Variants in NAALADL2 observed in about 807,000 individuals in gnomAD.
NAALADL2 encodes the protein N-acetylated alpha-linked acidic dipeptidase like 2, also known as inactive N-acetylated-alpha-linked acidic dipeptidase-like protein 2.
In NAALADL2, 76 loss-of-function variants were observed where a neutral mutation model predicts 87.2. That is an observed-to-expected ratio of 0.87 (90% CI 0.72 to 1.05). The LOEUF (loss-of-function observed/expected upper bound fraction) is 1.05, where lower values mean the gene tolerates loss of function less well. Among genes scored for constraint, NAALADL2 ranks in the 50% least tolerant of loss-of-function variants. The probability of loss-of-function intolerance (pLI) is 0.00; values close to 1 mark genes in which losing one functional copy is unlikely to be tolerated. For missense variants in NAALADL2, 1,089 were observed against 945.8 expected (o/e 1.15, Z -1.99); for synonymous variants, 354 against 331.0 (o/e 1.07, Z -0.75).
chr3:174,815,830 GTTTTTTTTT>G (rs10589968), intron 3 of NAALADL2, among the ~76,000 whole-genome samples: 1 of 115,196 alleles, frequency 8.7e-6, no homozygotes, highest in Non-Finnish European at 1.8e-5. Context: ...TTTGACTTTA[GTTTTTTTTT>G]TTTTTTTTTT....
At chr3:175,062,804 A>G (rs116549682) in intron 1 of NAALADL2, among the ~76,000 whole-genome samples, 120 of 152,254 alleles carry the variant, frequency 7.9e-4, no homozygotes, top group African/African-American at 2.6e-3. Context: ...ACAAACCCTA[A>G]TTGTATTTAG....
intron 2 of NAALADL2, among the ~76,000 whole-genome samples, chr3:174,610,041 C>G (rs1343408986): frequency 1.3e-5 from 2 of 152,044 alleles, no homozygotes; most frequent in Non-Finnish European, 1.5e-5. Flanking sequence ...TTTGACAAAC[C>G]TGAGAAAAAC....
chr3:175,093,384 G>A (rs901848960), intron 1 of NAALADL2, among the ~76,000 whole-genome samples: 3 of 133,718 alleles, frequency 2.2e-5, no homozygotes, highest in Admixed American at 2.2e-4. Flanking sequence ...TTATTTGATA[G>A]TTTCTTTTTT....
intron 1 of NAALADL2, among the ~76,000 whole-genome samples, chr3:174,532,088 CA>C (rs984496098): frequency 6.6e-6 from 1 of 151,890 alleles, no homozygotes; most frequent in South Asian, 2.1e-4. Context: ...ATAAACAGAG[CA>C]AAAAATAGGT....
chr3:174,589,130 T>C (rs1224928352), intron 2 of NAALADL2, among the ~76,000 whole-genome samples: 1 of 152,176 alleles, frequency 6.6e-6, no homozygotes, highest in Non-Finnish European at 1.5e-5. Context: ...CTCAGACTAC[T>C]GTGCTAGCAG....
rs149372474 is a variant in NAALADL2 at position 174,705,948 on chromosome 3, T to C, written c.-114-31693T>C. ...GGTCTCATGATCCCTACTTTGGTGT[T>C]CTTTTCATTACAATACTCCTCTTCC... On this transcript the variant is annotated intron_variant, in intron 2 of 3. Transcript: ENST00000434257. Among the ~76,000 whole-genome samples the C allele has an allele frequency of 7.6e-3, 1,153 of 152,288 alleles. 16 individuals are homozygous for C. Among genetic ancestry groups the C allele is most frequent in the Middle Eastern group, 0.027 (8 of 294 alleles).
chr3:175,796,162 C>A (rs566239855), intron 13 of NAALADL2, among the ~76,000 whole-genome samples: 2 of 150,758 alleles, frequency 1.3e-5, no homozygotes, highest in African/African-American at 4.9e-5. Context: ...TGGTAGCTTG[C>A]CAAAACTGTG....
chr3:174,651,033 G>GA lies in NAALADL2; in HGVS notation c.-114-86601dup, dbSNP rs1425251165. Among the ~76,000 whole-genome samples the GA allele has an allele frequency of 3.3e-5, 5 of 151,638 alleles. No homozygotes were observed. The South Asian group carries it at 1.0e-3, about 32-fold the overall frequency. On this transcript the variant is annotated intron_variant, in intron 2 of 3. Coordinates refer to the NAALADL2 transcript ENST00000434257. ...TCGGGTGTTCCTTTATCTCCTTCAGGAAAAAAATGATACCCTTCTACCTCA... is the reference window on the plus strand; with the variant it reads ...TCGGGTGTTCCTTTATCTCCTTCAGGAAAAAAAATGATACCCTTCTACCTCA...
At chr3:175,770,137 GTA>G in intron 13 of NAALADL2, among the ~76,000 whole-genome samples, 1 of 152,312 alleles carries the variant, frequency 6.6e-6, no homozygotes, top group Admixed American at 6.5e-5. Context: ...CAACTGGGCA[GTA>G]TTGCCTCACT....
At chr3:175,508,928 C>T (rs1377419151) in intron 9 of NAALADL2, among the ~76,000 whole-genome samples, 1 of 151,948 alleles carries the variant, frequency 6.6e-6, no homozygotes, top group Non-Finnish European at 1.5e-5. Flanking sequence ...CGAGCCTGGT[C>T]AACATGGTGA....
intron 2 of NAALADL2, among the ~76,000 whole-genome samples, chr3:174,614,323 G>A (rs962523606): frequency 6.6e-6 from 1 of 152,148 alleles, no homozygotes; most frequent in African/African-American, 2.4e-5. Flanking sequence ...AGAACTCCAG[G>A]GCACTTTGTC....
At chr3:175,578,990 A>G (rs1171266409) in intron 10 of NAALADL2, among the ~76,000 whole-genome samples, 1 of 152,216 alleles carries the variant, frequency 6.6e-6, no homozygotes, top group Non-Finnish European at 1.5e-5. Flanking sequence ...TGTGTCACTT[A>G]TAGTATCTGT....
At chr3:174,961,504 A>T (rs1289985464) in intron 1 of NAALADL2, among the ~76,000 whole-genome samples, 1 of 152,102 alleles carries the variant, frequency 6.6e-6, no homozygotes, top group Non-Finnish European at 1.5e-5. Flanking sequence ...AATTTATAAA[A>T]CACCGGGCAG....
At chr3:174,692,986 TACCA>T (rs1424246202) in intron 2 of NAALADL2, among the ~76,000 whole-genome samples, 1 of 97,424 alleles carries the variant, frequency 1.0e-5, no homozygotes, top group Non-Finnish European at 2.6e-5. Flanking sequence ...AGAATATAAA[TACCA>T]ACCAGTAAAA....
chr3:174,754,268 TG>T (rs11285495), intron 3 of NAALADL2, among the ~76,000 whole-genome samples: 44,341 of 151,868 alleles, frequency 0.29, 7,219 homozygotes, highest in African/African-American at 0.44. Flanking sequence ...GTTTTAAAAA[TG>T]CATATCAGGA....
intron 2 of NAALADL2, among the ~76,000 whole-genome samples, chr3:175,118,706 T>A (rs1231157061): frequency 6.6e-6 from 1 of 151,772 alleles, no homozygotes; most frequent in African/African-American, 2.4e-5. Context: ...TCTGGATCAG[T>A]AAGCACTGTC....
chr3:174,882,629 G>GCATATACA (rs1195312037), intron 1 of NAALADL2, among the ~76,000 whole-genome samples: 1 of 88,592 alleles, frequency 1.1e-5, no homozygotes, highest in African/African-American at 4.2e-5. Flanking sequence ...GCATATATGT[G>GCATATACA]CATATACACA....
chr3:174,537,066 C>A (rs142598292), intron 1 of NAALADL2, among the ~76,000 whole-genome samples: 1 of 152,232 alleles, frequency 6.6e-6, no homozygotes, highest in African/African-American at 2.4e-5. Context: ...GATACACATT[C>A]ATTGTTGCCA....
intron 9 of NAALADL2, among the ~76,000 whole-genome samples, chr3:175,526,576 G>A (rs1333514457): frequency 3.3e-5 from 5 of 152,012 alleles, no homozygotes; most frequent in African/African-American, 1.2e-4. Flanking sequence ...TGTTATTTCA[G>A]GTTATCTAAG....
Sources: allele counts gnomAD v4.1 joint callset (sites outside exome capture counted in the v4.1 genomes callset), GRCh38; gene constraint gnomAD v4.1.1; transcripts MANE v1.5; gene names NCBI Gene and HGNC (gene_info 2026-07-23, HGNC 2026-07-21).